The following GBF1 variants were observed in gnomAD, a reference collection of about 807,000 sequenced individuals.
GBF1 encodes golgi brefeldin A resistant guanine nucleotide exchange factor 1.
GBF1 carries 114 observed loss-of-function variants against 210.5 expected under a neutral mutation model. The observed-to-expected ratio is 0.54, with a 90% confidence interval of 0.47 to 0.63. The LOEUF is 0.63. GBF1 is among the 30% of genes least tolerant of loss of function. GBF1 has a pLI of 0.00. For synonymous variants in GBF1, 850 were observed against 889.2 expected, an observed-to-expected ratio of 0.96 and a Z score of 0.78; for missense variants, 1,851 against 2,357.7, an observed-to-expected ratio of 0.79 and a Z score of 4.45.
chr10:102,301,935 G>T (rs1477450417), intron 3 of GBF1, among the ~76,000 whole-genome samples: 4 of 152,236 alleles, frequency 2.6e-5, no homozygotes, highest in African/African-American at 9.6e-5. Context: ...GGAGGTTGTA[G>T]CGAGCCGAGA....
At chr10:102,268,356 G>A (rs2074074999) in intron 3 of GBF1, among the ~76,000 whole-genome samples, 1 of 152,192 alleles carries the variant, frequency 6.6e-6, no homozygotes, top group East Asian at 1.9e-4. Context: ...TGTAAAAAGA[G>A]GGAAAAGCAT....
intron 2 of GBF1, among the ~76,000 whole-genome samples, chr10:102,259,537 T>G (rs1414351295): frequency 6.6e-6 from 1 of 152,004 alleles, no homozygotes; most frequent in East Asian, 1.9e-4. Context: ...GTTTGAGGAC[T>G]TTTTTTTGTA....
intron 3 of GBF1, among the ~76,000 whole-genome samples, chr10:102,297,850 A>C (rs1470314133): frequency 2.0e-5 from 3 of 152,192 alleles, no homozygotes; most frequent in Non-Finnish European, 4.4e-5. Flanking sequence ...TTCATAGGTA[A>C]AAAGTTGTTA....
intron 1 of GBF1, among the ~76,000 whole-genome samples, chr10:102,251,066 GA>G (rs1389131534): frequency 7.4e-5 from 11 of 149,366 alleles, no homozygotes; most frequent in African/African-American, 2.7e-4. Flanking sequence ...TAGAGCCAAA[GA>G]AAATAAGGCA....
chr10:102,319,324 A>T (rs2056167218), intron 3 of GBF1, among the ~76,000 whole-genome samples: 1 of 152,118 alleles, frequency 6.6e-6, no homozygotes, highest in African/African-American at 2.4e-5. Context: ...CGTCTCAACA[A>T]CAACAACAAC....
rs1200818436 is a variant in GBF1, at chr10:102,369,764, A to G, written c.3204A>G (p.Thr1068=). ...AGATCTCTCTACAGCGGGAAGAGAC[A>G]CCATCAAACCGGTAAGAGCAGACCA... ...NGKISLQREE[T]PSNRGESTVL... Residue 1068 remains threonine (T), a synonymous_variant, in exon 25 of 40, where the codon ACA becomes ACG. Coordinates refer to ENST00000369983, the MANE Select transcript of GBF1 (RefSeq NM_001377137.1). The G allele has an allele frequency of 6.2e-7, 1 of 1,614,028 alleles. No homozygotes were observed. Among genetic ancestry groups the G allele is most frequent in the African/African-American group, 1.3e-5 (1 of 74,934 alleles).
chr10:102,251,401 A>G (rs1373725813), intron 1 of GBF1, among the ~76,000 whole-genome samples: 1 of 152,086 alleles, frequency 6.6e-6, no homozygotes, highest in Non-Finnish European at 1.5e-5. Context: ...TTCATCTAGT[A>G]TTTATTGATC....
chr10:102,328,609 A>AGTG (rs1471268659), intron 3 of GBF1, among the ~76,000 whole-genome samples: 1 of 152,224 alleles, frequency 6.6e-6, no homozygotes, highest in East Asian at 1.9e-4. Context: ...TAGTACAGTA[A>AGTG]GTGAGAGTGA....
At chr10:102,293,713 G>A (rs901904614) in intron 3 of GBF1, among the ~76,000 whole-genome samples, 1 of 138,854 alleles carries the variant, frequency 7.2e-6, no homozygotes, top group African/African-American at 2.6e-5. Context: ...AAAAATAGAA[G>A]AAACCTTATA....
chr10:102,374,491 A>G (rs1340601688), intron 29 of GBF1, among the ~76,000 whole-genome samples: 1 of 152,088 alleles, frequency 6.6e-6, no homozygotes. Flanking sequence ...AGGCTGAGAC[A>G]GGAGGATCAC....
intron 3 of GBF1, among the ~76,000 whole-genome samples, chr10:102,328,936 G>A (rs1429728248): frequency 6.6e-6 from 1 of 152,180 alleles, no homozygotes; most frequent in Non-Finnish European, 1.5e-5. Context: ...CAAGTGTAAT[G>A]ACTGCATAAA....
chr10:102,344,039 A>G lies in GBF1; in HGVS notation c.164-12A>G. 1.9e-6 allele frequency: 3 copies of G among 1,610,292 alleles called. No individual in the cohort carries two copies. The highest frequency in any genetic ancestry group is 1.1e-5 in the South Asian group (1 of 90,986). On this transcript the variant is annotated splice_polypyrimidine_tract_variant and intron_variant, in intron 3 of 39. Coordinates refer to ENST00000369983, the MANE Select transcript of GBF1 (RefSeq NM_001377137.1). ...AGATGATACCTCTTCATTTCTGTGTATTTTCTTGCAGAACTCTCAGAAATT... is the reference window on the plus strand; with the variant it reads ...AGATGATACCTCTTCATTTCTGTGTGTTTTCTTGCAGAACTCTCAGAAATT...
chr10:102,325,643 GT>G (rs553272688), intron 3 of GBF1, among the ~76,000 whole-genome samples: 1 of 151,156 alleles, frequency 6.6e-6, no homozygotes, highest in Admixed American at 6.6e-5. Flanking sequence ...ACTTACAAAA[GT>G]TTTTTTTGTT....
rs1352779287 is a variant in GBF1, at chr10:102,329,900, G to A, written c.164-14151G>A. On this transcript the variant is annotated intron_variant, in intron 3 of 39. Transcript: ENST00000369983. ...GAGGCAGGAGGATCATTTAAGGCCA[G>A]GAGTTCAAGACCAGCCTGGGCAACA... Among the ~76,000 whole-genome samples the A allele has an allele frequency of 2.6e-5, 4 of 152,244 alleles. No homozygotes were observed. In the East Asian group the frequency reaches 7.7e-4, roughly 29 times the overall value.
At chr10:102,297,823 T>C (rs780616427) in intron 3 of GBF1, among the ~76,000 whole-genome samples, 12 of 152,208 alleles carry the variant, frequency 7.9e-5, no homozygotes, top group Non-Finnish European at 1.8e-4. Flanking sequence ...TCAGGCCTTT[T>C]ATAGAATTTT....
chr10:102,352,570 G>C (rs536655583), intron 7 of GBF1, 52 bp downstream of exon 7: 1 of 1,295,124 alleles, frequency 7.7e-7, no homozygotes, highest in East Asian at 2.3e-5. Flanking sequence ...TCTTGAGTCT[G>C]CCTGCTTCCA....
Position 102,382,689 on chromosome 10 carries a change from CTT to C in GBF1, c.*355_*356del. 8.4e-6 allele frequency: 2 copies of C among 236,816 alleles called. No homozygotes were observed. The highest frequency in any genetic ancestry group is 1.3e-4 in the South Asian group (1 of 7,974). The allele number at this position is 236,816 out of a possible 1,614,324, so 14.7% of individuals were successfully genotyped here. On this transcript the variant is annotated 3_prime_UTR_variant, in exon 40 of 40. Transcript: ENST00000369983. ...GAAAACTAAGCCCAACCACTCTGCA[CTT>C]TGTTTCCCACTCCCATTAGCCCTGG...
At position 102,366,511 on chromosome 10, in the gene GBF1, G is replaced by A; in HGVS notation, c.2433+5G>A. 1.2e-6 allele frequency: 2 copies of A among 1,603,728 alleles called. No individual in the cohort carries two copies. The highest frequency in any genetic ancestry group is 1.7e-6 in the Non-Finnish European group (2 of 1,173,606). On this transcript the variant is annotated splice_donor_5th_base_variant and intron_variant, in intron 19 of 39. Coordinates refer to ENST00000369983, the MANE Select transcript of GBF1 (RefSeq NM_001377137.1). This position sits in a 1 kb window ranked among gnomAD's most constrained non-coding sequence, Gnocchi z 4.0. Reference sequence around the variant, plus strand: ...GCATTCACAGAGCGTTGGATGGTGAGTTTGAGTGTCAGGGGCTGAGCCCAG... The same window carrying A: ...GCATTCACAGAGCGTTGGATGGTGAATTTGAGTGTCAGGGGCTGAGCCCAG...
chr10:102,293,918 C>T (rs1589522351), intron 3 of GBF1, among the ~76,000 whole-genome samples: 1 of 151,558 alleles, frequency 6.6e-6, no homozygotes, highest in Admixed American at 6.6e-5. Flanking sequence ...GCTGGGACTA[C>T]AGGCACCCAC....
Sources: gnomAD v4.1 joint callset for allele counts (sites outside exome capture counted in the v4.1 genomes callset) on GRCh38, gnomAD v4.1.1 for gene constraint, Gnocchi (gnomAD v3.1) non-coding constraint, MANE v1.5 for transcripts, NCBI Gene and HGNC (gene_info 2026-07-23, HGNC 2026-07-21) for gene names.